Variants in CCNA1 observed in about 807,000 individuals in gnomAD.
CCNA1 encodes cyclin-A1.
CCNA1 carries 23 observed loss-of-function variants against 54.1 expected under a neutral mutation model. That is an observed-to-expected ratio of 0.42 (90% CI 0.31 to 0.60). CCNA1 has a LOEUF of 0.60. Among genes scored for constraint, CCNA1 ranks in the 20% least tolerant of loss-of-function variants. The pLI is 0.14. For missense variants in CCNA1, 450 were observed against 556.7 expected, an observed-to-expected ratio of 0.81 and a Z score of 1.93; for synonymous variants, 208 against 213.9, an observed-to-expected ratio of 0.97 and a Z score of 0.24.
chr13:36,433,435 T>TTTCTTTCTTTCG (rs2055755489), intron 2 of CCNA1, among the ~76,000 whole-genome samples: 1 of 81,174 alleles, frequency 1.2e-5, no homozygotes, highest in Non-Finnish European at 2.9e-5. Flanking sequence ...TCTTTCTTTC[T>TTTCTTTCTTTCG]TTCTTTCGTT....
Position 36,440,203 on chromosome 13 carries a change from T to A in CCNA1, c.1098+20T>A, listed in dbSNP as rs1167310815. The A allele has an allele frequency of 1.3e-6, 2 of 1,598,332 alleles. No individual in the cohort carries two copies. The highest frequency in any genetic ancestry group is 2.2e-5 in the South Asian group (2 of 90,474). Reference sequence around the variant, plus strand: ...GCTAAGGTGTGTATGCCGCGTGATTTCTAGGAACTTCCAGTGCCAAGGAGC... The same window carrying A: ...GCTAAGGTGTGTATGCCGCGTGATTACTAGGAACTTCCAGTGCCAAGGAGC... On this transcript the variant is annotated intron_variant, in intron 6 of 8. Transcript: ENST00000255465.
chr13:36,435,370 A>T (rs559785101), intron 2 of CCNA1, among the ~76,000 whole-genome samples: 24 of 152,300 alleles, frequency 1.6e-4, no homozygotes, highest in African/African-American at 5.8e-4. Context: ...CCTGGCCAGG[A>T]TGGCACACAT....
At chr13:36,432,839 GTT>G (rs1486434307) in intron 1 of CCNA1, 110 bp downstream of exon 1, 5 of 974,084 alleles carry the variant, frequency 5.1e-6, no homozygotes, top group Non-Finnish European at 8.0e-6. Context: ...TCAAATAACT[GTT>G]TTGATTCAGA....
At chr13:36,433,701 C>G (rs895289383) in intron 2 of CCNA1, among the ~76,000 whole-genome samples, 3 of 151,572 alleles carry the variant, frequency 2.0e-5, no homozygotes, top group African/African-American at 7.3e-5. Context: ...CCACCACGCC[C>G]GGCTAATTTT....
chr13:36,433,435 TTTCTTTCGTTC>T (rs2055755522), intron 2 of CCNA1, among the ~76,000 whole-genome samples: 3 of 81,172 alleles, frequency 3.7e-5, no homozygotes, highest in Non-Finnish European at 8.7e-5. Flanking sequence ...TCTTTCTTTC[TTTCTTTCGTTC>T]TTTCTTTCTT....
chr13:36,442,027 A>C (rs1268985524), intron 7 of CCNA1, 144 bp from the exon 8 acceptor site: 1 of 550,838 alleles, frequency 1.8e-6, no homozygotes, highest in Admixed American at 3.1e-5. Context: ...TTTTACATCT[A>C]AAATCTCTGA....
chr13:36,442,731 C>T lies in CCNA1; in HGVS notation c.*66C>T. The T allele has an allele frequency of 7.8e-7, 1 of 1,284,646 alleles. No individual in the cohort carries two copies. Among genetic ancestry groups the T allele is most frequent in the African/African-American group, 1.5e-5 (1 of 68,668 alleles). 79.6% of individuals were successfully genotyped at this position (1,284,646 alleles called of 1,614,324 possible). On this transcript the variant is annotated 3_prime_UTR_variant, in exon 9 of 9. Coordinates refer to ENST00000255465, the MANE Select transcript of CCNA1 (RefSeq NM_003914.4). ...CAGAAGTGCCAATAATCGTCATAGG[C>T]TTCTGCACGTTGGATCAACTAATGT...
rs778102032 is a variant in CCNA1 at position 36,438,717 on chromosome 13, T to C, written c.743T>C (p.Val248Ala). 1.2e-6 allele frequency: 2 copies of C among 1,614,012 alleles called. No individual in the cohort carries two copies. The highest frequency in any genetic ancestry group is 3.3e-5 in the Admixed American group (2 of 59,978). Residue 248 changes from valine to alanine, a missense_variant, in exon 5 of 9, where the codon GTG becomes GCG. Transcript: ENST00000255465. ...ACGGAAGGCATGCGCACGATTCTGG[T>C]GGACTGGCTGGTGGAGGTTGGGGAA...
rs761663997 is a variant in CCNA1 at position 36,432,582 on chromosome 13, G to A, written c.-40G>A. ...CAGGTTTTGGGGCCTCCTGTCTGGT[G>A]GGAGGAGGCCGCAGCGCAGCACCCT... On this transcript the variant is annotated 5_prime_UTR_variant, in exon 1 of 9. Transcript: ENST00000255465. 1.5e-6 allele frequency: 2 copies of A among 1,361,216 alleles called. No homozygotes were observed. Among genetic ancestry groups the A allele is most frequent in the Admixed American group, 4.4e-5 (2 of 45,070 alleles). 84.3% of individuals were successfully genotyped at this position (1,361,216 alleles called of 1,614,324 possible). A position where few individuals can be genotyped will look rare whatever the true frequency, so the allele number is the denominator to read the frequency against.
chr13:36,437,239 CAA>C (rs2137822585), intron 2 of CCNA1, among the ~76,000 whole-genome samples: 1 of 152,228 alleles, frequency 6.6e-6, no homozygotes, highest in East Asian at 1.9e-4. Context: ...GTCACTGCAT[CAA>C]GAGTTATGCT....
chr13:36,437,997 T>C (rs949455527), intron 3 of CCNA1, 70 bp from the exon 4 acceptor site: 2 of 1,582,480 alleles, frequency 1.3e-6, no homozygotes, highest in Non-Finnish European at 1.7e-6. Flanking sequence ...CACAACTGCC[T>C]GTAGAGGGTT....
chr13:36,433,423 T>TTTCTTTCTTTCG (rs2055752409), intron 2 of CCNA1, among the ~76,000 whole-genome samples: 9 of 121,242 alleles, frequency 7.4e-5, no homozygotes, highest in African/African-American at 2.5e-4. Flanking sequence ...TCTTTCTTTC[T>TTTCTTTCTTTCG]TTCTTTCTTT....
chr13:36,433,419 T>TTTCGTTCGTTCG (rs1491262535), intron 2 of CCNA1, among the ~76,000 whole-genome samples, 198 bp downstream of exon 2: 57 of 119,428 alleles, frequency 4.8e-4, no homozygotes, highest in African/African-American at 1.8e-3. Flanking sequence ...TCTTTCTTTC[T>TTTCGTTCGTTCG]TTCTTTCTTT....
At chr13:36,431,569 C>T (rs1566167945), upstream of CCNA1, 1 of 152,230 alleles carries the variant, frequency 6.6e-6, no homozygotes, top group Non-Finnish European at 1.5e-5. Flanking sequence ...CAGGAGCCCG[C>T]GGGGGAAGAC....
At chr13:36,433,434 CTTTCTTTCGTTCTTTCTTTCTTTCT>C (rs1566169685) in intron 2 of CCNA1, among the ~76,000 whole-genome samples, 2,042 of 97,030 alleles carry the variant, frequency 0.021, 77 homozygotes, top group Non-Finnish European at 0.028. Flanking sequence ...TTCTTTCTTT[CTTTCTTTCGTTCTTTCTTTCTTTCT>C]TTTCTTTCTC....
In CCNA1 at chr13:36,438,106, C is replaced by T. The variant is rs1261499569; in HGVS notation, c.584C>T (p.Ser195Phe). The change falls in exon 4 of 9, where the codon TCT becomes TTT. Residue 195 changes from serine to phenylalanine, a missense_variant. Ser to Phe is a radical substitution (Grantham distance 155, BLOSUM62 -2). This residue lies in a region of CCNA1 where 150 missense variants were observed against 219.7 expected (regional missense o/e 0.68). Coordinates refer to ENST00000255465, the MANE Select transcript of CCNA1 (RefSeq NM_003914.4). ...GTAGATTCATCTCTCCTCTCCCAGT[C>T]TGAAGATATATCCAGTCTTGGCACA... The T allele has an allele frequency of 1.2e-6, 2 of 1,613,518 alleles. No individual in the cohort carries two copies. The highest frequency in any genetic ancestry group is 4.5e-5 in the East Asian group (2 of 44,870).
chr13:36,441,758 TG>T (rs1303962651), intron 7 of CCNA1, among the ~76,000 whole-genome samples: 2 of 152,236 alleles, frequency 1.3e-5, no homozygotes, highest in African/African-American at 4.8e-5. Flanking sequence ...TGAATGCTTA[TG>T]TTTTTTTCTG....
Position 36,440,066 on chromosome 13 carries a change from G to A in CCNA1, c.981G>A (p.Met327Ile). The A allele has an allele frequency of 6.2e-7, 1 of 1,613,768 alleles. No homozygotes were observed. The highest frequency in any genetic ancestry group is 1.3e-5 in the African/African-American group (1 of 75,024). ...ACACAAAACGACAACTGTTAAAAAT[G>A]GAACACTTGCTTCTGAAAGTTCTAG... The change falls in exon 6 of 9, where the codon ATG becomes ATA. Residue 327 changes from methionine (M) to isoleucine (I), a missense_variant. Physicochemically the swap from Met to Ile is conservative, Grantham distance 10. Transcript: ENST00000255465.
In CCNA1 at chr13:36,442,649, T is replaced by C. The variant is rs750475986; in HGVS notation, c.1382T>C (p.Val461Ala). 1 of 1,613,766 alleles carries C rather than the reference T, an allele frequency of 6.2e-7. No homozygotes were observed. The change falls in exon 9 of 9, where the codon GTT (valine) becomes GCT (alanine). Residue 461 changes from valine to alanine, a missense_variant. By Grantham distance (64) the Val-to-Ala change is moderately conservative. Transcript: ENST00000255465. ...GTGTCCCTCATGGAGCCACCTGCAGTTCTTCTTCTACAATAAGTTTCTGAA... is the reference window on the plus strand; with the variant it reads ...GTGTCCCTCATGGAGCCACCTGCAGCTCTTCTTCTACAATAAGTTTCTGAA...
Sources: allele counts gnomAD v4.1 joint callset (sites outside exome capture counted in the v4.1 genomes callset), GRCh38; gene constraint gnomAD v4.1.1; regional missense constraint gnomAD v4.1.1; transcripts MANE v1.5; gene names NCBI Gene and HGNC (gene_info 2026-07-23, HGNC 2026-07-21).